PHEX: variants seen among roughly 807,000 people sequenced by gnomAD.
PHEX encodes phosphate regulating endopeptidase X-linked.
A neutral mutation model predicts 68.0 loss-of-function variants in PHEX; 16 were observed. That is an observed-to-expected ratio of 0.24 (90% confidence interval 0.16 to 0.36). The LOEUF is 0.36. Among genes scored for constraint, PHEX ranks in the 10% least tolerant of loss-of-function variants. The pLI is 1.00. For synonymous variants in PHEX, 208 were observed against 205.1 expected (o/e 1.01, Z -0.12); for missense variants, 480 against 575.5 (o/e 0.83, Z 1.70).
chrX:22,207,686 T>G (rs1934754846), intron 15 of PHEX, among the ~76,000 whole-genome samples: 1 of 111,398 alleles, frequency 9.0e-6, no homozygotes, highest in African/African-American at 3.3e-5. Flanking sequence ...TTAACTAAAT[T>G]TACCTGACAT....
intron 12 of PHEX, among the ~76,000 whole-genome samples, chrX:22,166,416 C>T (rs990199404): frequency 5.4e-5 from 6 of 111,333 alleles, no homozygotes; most frequent in African/African-American, 2.0e-4. Flanking sequence ...TATAGTCCAG[C>T]TACATTAAAT....
At chrX:22,240,581 CA>C (rs755236973) in intron 20 of PHEX, among the ~76,000 whole-genome samples, 18 of 103,483 alleles carry the variant, frequency 1.7e-4, no homozygotes, top group Middle Eastern at 5.0e-3. Context: ...CAAAAACAAA[CA>C]AAAAAAAAAC....
rs1313031072 is a variant in PHEX, at chrX:22,250,246, C to T, written c.*2293C>T. The T allele has an allele frequency of 9.0e-6, 1 of 111,730 alleles. No individual in the cohort carries two copies. Among genetic ancestry groups the T allele is most frequent in the Admixed American group, 9.6e-5 (1 of 10,464 alleles). The allele number at this position is 111,730 out of a possible 1,213,427, so 9.2% of individuals were successfully genotyped here. A position where few individuals can be genotyped will look rare whatever the true frequency, so the allele number is the denominator to read the frequency against. ...CAATTACATTCTCATTGTCCTTTCT[C>T]TTGGATACCGATTGCTAAGATAAAC... is the stretch of plus-strand genomic sequence containing the variant. On this transcript the variant is annotated 3_prime_UTR_variant, in exon 22 of 22. Transcript: ENST00000379374.
chrX:22,069,941 T>C lies in PHEX; in HGVS notation c.350-6447T>C, dbSNP rs932170087. Among the ~76,000 whole-genome samples, 3 of 111,740 alleles carry C rather than the reference T, an allele frequency of 2.7e-5. No homozygotes were observed. In the Admixed American group the frequency reaches 2.9e-4, roughly 11 times the overall value. On this transcript the variant is annotated intron_variant, in intron 3 of 21. Coordinates refer to ENST00000379374, the MANE Select transcript of PHEX (RefSeq NM_000444.6). ...GCAAGCTTATTTAGAGTCTGCAGCT[T>C]TAAGTGCATAAGGGTTTAATACCTT...
chrX:22,206,843 T>G (rs1022873717), intron 15 of PHEX, among the ~76,000 whole-genome samples: 1 of 111,264 alleles, frequency 9.0e-6, no homozygotes, highest in Non-Finnish European at 1.9e-5. Flanking sequence ...TTCTTCTCTA[T>G]ACTTGTTTGT....
chrX:22,128,842 C>A, intron 11 of PHEX, among the ~76,000 whole-genome samples: 1 of 97,071 alleles, frequency 1.0e-5, no homozygotes, highest in Non-Finnish European at 2.1e-5. Flanking sequence ...GAGACAGATA[C>A]TTTCCAAGAC....
At chrX:22,149,615 G>C (rs1217549366) in intron 12 of PHEX, among the ~76,000 whole-genome samples, 3 of 112,192 alleles carry the variant, frequency 2.7e-5, no homozygotes, top group Non-Finnish European at 5.6e-5. Flanking sequence ...TTAGCCAGGC[G>C]TGGTGGTGCC....
intron 8 of PHEX, chrX:22,097,924 C>A: frequency 5.6e-6 from 1 of 179,766 alleles, no homozygotes. Flanking sequence ...CCGGCCACCA[C>A]ACCTAGCTAA....
At chrX:22,183,951 T>C (rs181590386) in intron 14 of PHEX, among the ~76,000 whole-genome samples, 103 of 112,275 alleles carry the variant, frequency 9.2e-4, no homozygotes, top group Non-Finnish European at 9.8e-4. Context: ...ATTCTAATGG[T>C]CTTAACTATT....
chrX:22,231,608 C>G (rs1483908553), intron 20 of PHEX, among the ~76,000 whole-genome samples: 5 of 111,462 alleles, frequency 4.5e-5, no homozygotes, highest in Non-Finnish European at 9.4e-5. Context: ...CTGTGGGATT[C>G]TTGGTGATAT....
At chrX:22,069,057 C>T (rs1357254068) in intron 3 of PHEX, among the ~76,000 whole-genome samples, 1 of 111,947 alleles carries the variant, frequency 8.9e-6, no homozygotes, top group African/African-American at 3.2e-5. Flanking sequence ...TCGCTTGAAC[C>T]CGGGAGGCAG....
At chrX:22,085,740 A>G (rs1929602943) in intron 5 of PHEX, among the ~76,000 whole-genome samples, 1 of 111,782 alleles carries the variant, frequency 8.9e-6, no homozygotes, top group Non-Finnish European at 1.9e-5. Flanking sequence ...ATCCTGGAGA[A>G]TGTTCCACAT....
intron 14 of PHEX, among the ~76,000 whole-genome samples, 169 bp from the exon 15 acceptor site, chrX:22,190,275 A>G (rs1262667926): frequency 8.9e-6 from 1 of 112,141 alleles, no homozygotes; most frequent in South Asian, 3.7e-4. Context: ...GAGATTGTTC[A>G]TTGAGCAGTA....
chrX:22,041,136 G>A (rs7878733), intron 2 of PHEX, among the ~76,000 whole-genome samples: 3 of 108,064 alleles, frequency 2.8e-5, no homozygotes, highest in African/African-American at 1.0e-4. Context: ...TATTGAGATG[G>A]GAAACACTTA....
At chrX:22,089,348 C>G (rs1461647867) in intron 5 of PHEX, among the ~76,000 whole-genome samples, 2 of 110,299 alleles carry the variant, frequency 1.8e-5, no homozygotes, top group Non-Finnish European at 3.8e-5. Flanking sequence ...CTAACACGCT[C>G]TTTGAAAAGA....
At chrX:22,199,428 A>T (rs1206442636) in intron 15 of PHEX, among the ~76,000 whole-genome samples, 1 of 112,287 alleles carries the variant, frequency 8.9e-6, no homozygotes, top group African/African-American at 3.2e-5. Flanking sequence ...CCTATGGGCA[A>T]CCAAGTTCTG....
intron 18 of PHEX, among the ~76,000 whole-genome samples, chrX:22,222,422 T>C (rs1440616374): frequency 8.9e-6 from 1 of 111,859 alleles, no homozygotes; most frequent in Non-Finnish European, 1.9e-5. Context: ...TTGGGCAAGT[T>C]ACTTAATGTT....
At chrX:22,168,855 T>C (rs962272295) in intron 13 of PHEX, among the ~76,000 whole-genome samples, 2 of 112,221 alleles carry the variant, frequency 1.8e-5, no homozygotes, top group African/African-American at 6.5e-5. Context: ...TACGACTCTA[T>C]AATTTATTGT....
chrX:22,182,592 TTGTGTG>T (rs9331474), intron 14 of PHEX, among the ~76,000 whole-genome samples: 1,834 of 102,967 alleles, frequency 0.018, 46 homozygotes, highest in African/African-American at 0.062. Context: ...TGAAGATGCT[TTGTGTG>T]TGTGTGTGTG....
Sources: allele counts gnomAD v4.1 joint callset (sites outside exome capture counted in the v4.1 genomes callset), GRCh38; gene constraint gnomAD v4.1.1; transcripts MANE v1.5; gene names NCBI Gene and HGNC (gene_info 2026-07-23, HGNC 2026-07-21).